SLC19A2: variants seen among roughly 807,000 people sequenced by gnomAD.
The protein encoded by SLC19A2 is thiamine transporter 1.
Under a neutral mutation model 44.7 loss-of-function variants are expected in SLC19A2, and 27 were observed. The ratio of observed to expected loss-of-function variants is 0.60; its 90% CI spans 0.45 to 0.83. SLC19A2 has a LOEUF of 0.83. SLC19A2 is among the 40% of genes least tolerant of loss of function. SLC19A2 has a pLI of 0.00. For synonymous variants in SLC19A2, 239 were observed against 243.6 expected (o/e 0.98, Z 0.18); for missense variants, 566 against 613.7 (o/e 0.92, Z 0.82).
chr1:169,469,647 T>C (rs1029393018), intron 3 of SLC19A2, among the ~76,000 whole-genome samples: 9 of 152,192 alleles, frequency 5.9e-5, no homozygotes, highest in Non-Finnish European at 1.2e-4. Context: ...TATTATATAT[T>C]GCCATTCAAA....
intron 5 of SLC19A2, among the ~76,000 whole-genome samples, chr1:169,467,338 A>G (rs951345623): frequency 2.6e-5 from 4 of 152,210 alleles, no homozygotes; most frequent in Non-Finnish European, 5.9e-5. Context: ...CAAATCCTAT[A>G]TAAAGCACTT....
chr1:169,467,150 C>G (rs1259047407), intron 5 of SLC19A2, among the ~76,000 whole-genome samples: 1 of 152,176 alleles, frequency 6.6e-6, no homozygotes, highest in Non-Finnish European at 1.5e-5. Flanking sequence ...TGGGAACTCT[C>G]CCTTATACAG....
At chr1:169,480,895 C>T (rs747394453) in intron 1 of SLC19A2, among the ~76,000 whole-genome samples, 2 of 152,180 alleles carry the variant, frequency 1.3e-5, no homozygotes, top group Admixed American at 6.5e-5. Flanking sequence ...ATCAATTTAA[C>T]GTATCTTTAC....
chr1:169,482,708 T>C (rs1658468382), intron 1 of SLC19A2, among the ~76,000 whole-genome samples: 1 of 152,192 alleles, frequency 6.6e-6, no homozygotes, highest in Admixed American at 6.5e-5. Context: ...CAGATATATA[T>C]GGGAAGATTA....
At chr1:169,469,836 A>G (rs1404822485) in intron 3 of SLC19A2, 128 bp downstream of exon 3, 2 of 871,744 alleles carry the variant, frequency 2.3e-6, no homozygotes, top group Non-Finnish European at 3.8e-6. Flanking sequence ...TGTAAAATCT[A>G]GCTCAAAATA....
intron 2 of SLC19A2, among the ~76,000 whole-genome samples, 153 bp from the exon 3 acceptor site, chr1:169,470,339 C>A (rs1172066138): frequency 6.6e-6 from 1 of 152,160 alleles, no homozygotes; most frequent in African/African-American, 2.4e-5. Flanking sequence ...TTTATCCCCT[C>A]TGGCGAAAAA....
intron 1 of SLC19A2, among the ~76,000 whole-genome samples, chr1:169,484,403 G>C (rs1346816596): frequency 6.6e-6 from 1 of 152,218 alleles, no homozygotes; most frequent in Admixed American, 6.5e-5. Context: ...ATAGAGAAGA[G>C]TAAGGTTTAA....
chr1:169,465,736 G>T lies in SLC19A2; in HGVS notation c.*113C>A. 8.5e-7 allele frequency: 1 copy of T among 1,182,412 alleles called. No homozygotes were observed. Among genetic ancestry groups the T allele is most frequent in the Non-Finnish European group, 1.2e-6 (1 of 801,608 alleles). 73.2% of individuals were successfully genotyped at this position (1,182,412 alleles called of 1,614,324 possible). ...AAGGTATTAGTCAAGTGGCTGCTGT[G>T]AAGTCAAGAAATGCACATTCATAAA... On this transcript the variant is annotated 3_prime_UTR_variant, in exon 6 of 6. Coordinates refer to ENST00000236137, the MANE Select transcript of SLC19A2 (RefSeq NM_006996.3).
chr1:169,471,865 T>A (rs938420827), intron 2 of SLC19A2, among the ~76,000 whole-genome samples: 1 of 152,144 alleles, frequency 6.6e-6, no homozygotes, highest in African/African-American at 2.4e-5. Flanking sequence ...ATCGTTGTTT[T>A]ACCTTCTCAT....
At chr1:169,473,202 G>A (rs1321849491) in intron 2 of SLC19A2, among the ~76,000 whole-genome samples, 1 of 151,904 alleles carries the variant, frequency 6.6e-6, no homozygotes, top group Non-Finnish European at 1.5e-5. Context: ...CTGTAGTGGT[G>A]GTTTTTGAGT....
intron 1 of SLC19A2, among the ~76,000 whole-genome samples, chr1:169,480,146 A>G (rs772657971): frequency 3.3e-5 from 5 of 152,232 alleles, no homozygotes; most frequent in African/African-American, 4.8e-5. Context: ...TTCGTATTCA[A>G]AACTGTGGAA....
Position 169,464,766 on chromosome 1 carries a change from T to TA in SLC19A2, c.*1082dup, listed in dbSNP as rs1229561397. ...TTTAGAAACAAAGGCAGATTTAAGG[T>TA]AAAAAAATGCAGGAATCACATCTAT... On this transcript the variant is annotated 3_prime_UTR_variant, in exon 6 of 6. Transcript: ENST00000236137. 8 of 152,574 alleles carry TA rather than the reference T, an allele frequency of 5.2e-5. No individual in the cohort carries two copies. Among genetic ancestry groups the TA allele is most frequent in the South Asian group, 2.1e-4 (1 of 4,814 alleles). The allele number at this position is 152,574 out of a possible 1,614,324, so 9.5% of individuals were successfully genotyped here.
In SLC19A2 at chr1:169,469,070, T is replaced by C. The variant is rs570611113; in HGVS notation, c.1031-234A>G. ...AGGAGAGGTGGCAATGAGATGAAAA[T>C]GCAGGACAAAGACACAGGGACATTG... is the stretch of plus-strand genomic sequence containing the variant. On this transcript the variant is annotated intron_variant, in intron 3 of 5. Transcript: ENST00000236137. 29 of 526,448 alleles carry C rather than the reference T, an allele frequency of 5.5e-5. No individual in the cohort carries two copies. In the East Asian group the frequency reaches 8.0e-4, roughly 15 times the overall value. 32.6% of individuals were successfully genotyped at this position (526,448 alleles called of 1,614,324 possible).
At chr1:169,471,701 TATATAC>T (rs774335449) in intron 2 of SLC19A2, among the ~76,000 whole-genome samples, 33 of 144,374 alleles carry the variant, frequency 2.3e-4, no homozygotes, top group East Asian at 1.4e-3. Context: ...TGTGTGTGTA[TATATAC>T]ACACACACCA....
Position 169,465,875 on chromosome 1 carries a change from A to G in SLC19A2, c.1468T>C (p.Ser490Pro). 1 of 1,614,016 alleles carries G rather than the reference A, an allele frequency of 6.2e-7. No homozygotes were observed. Among genetic ancestry groups the G allele is most frequent in the South Asian group, 1.1e-5 (1 of 91,086 alleles). The part of the protein sequence containing the change: ...KKCRKLEDPQ[S>P]SSQVTTS ...TATGAAGTGGTTACTTGAGAACTTG[A>G]TTGTGGATCTTCCAGCTTTCTACAT... The change falls in exon 6 of 6, where the codon TCA (serine) becomes CCA (proline). Residue 490 changes from serine to proline, a missense_variant. By Grantham distance (74) the Ser-to-Pro change is moderately conservative. Transcript: ENST00000236137.
At chr1:169,482,866 CAAG>C (rs1324605574) in intron 1 of SLC19A2, among the ~76,000 whole-genome samples, 3 of 151,916 alleles carry the variant, frequency 2.0e-5, no homozygotes, top group East Asian at 3.9e-4. Flanking sequence ...ATAAGGCTGT[CAAG>C]GAGGTAAAAA....
At chr1:169,482,202 A>AAAAAAT (rs1370009787) in intron 1 of SLC19A2, among the ~76,000 whole-genome samples, 1 of 151,684 alleles carries the variant, frequency 6.6e-6, no homozygotes, top group Non-Finnish European at 1.5e-5. Context: ...ACTCCATCTC[A>AAAAAAT]AAAAATAAAA....
In SLC19A2 at chr1:169,477,259, C is replaced by T. The variant is rs925017285; in HGVS notation, c.703G>A (p.Gly235Ser). 1.1e-5 allele frequency: 18 copies of T among 1,614,042 alleles called. No individual in the cohort carries two copies. The highest frequency in any genetic ancestry group is 2.2e-5 in the East Asian group (1 of 44,900). ...GCTGGGGTGTCAGTAACAATGCCAC[C>T]ATTTTGTACCTTGATGCCATTCACT... ...QRVNGIKVQN[G>S]GIVTDTPASN... The change falls in exon 2 of 6, where the codon GGT (glycine) becomes AGT (serine). Residue 235 changes from glycine (G) to serine (S), a missense_variant. By Grantham distance (56) the Gly-to-Ser change is moderately conservative. Transcript: ENST00000236137.
chr1:169,466,412 T>C (rs576335863), intron 5 of SLC19A2, among the ~76,000 whole-genome samples: 1 of 152,268 alleles, frequency 6.6e-6, no homozygotes, highest in African/African-American at 2.4e-5. Flanking sequence ...TGGGTACAAA[T>C]AGGCCAAATT....
Sources: gnomAD v4.1 joint callset for allele counts (sites outside exome capture counted in the v4.1 genomes callset) on GRCh38, gnomAD v4.1.1 for gene constraint, MANE v1.5 for transcripts, NCBI Gene and HGNC (gene_info 2026-07-23, HGNC 2026-07-21) for gene names.